The following PBX1 variants were observed in gnomAD, a reference collection of about 807,000 sequenced individuals.
PBX1 encodes the protein PBX homeobox 1, also known as pre-B-cell leukemia transcription factor 1.
Under a neutral mutation model 53.4 loss-of-function variants are expected in PBX1, and 6 were observed. The ratio of observed to expected loss-of-function variants is 0.11; its 90% CI spans 0.06 to 0.22. PBX1 has a LOEUF of 0.22. Among genes scored for constraint, PBX1 ranks in the 10% least tolerant of loss-of-function variants. The pLI, the probability that PBX1 is intolerant of heterozygous loss-of-function variation, is 1.00. For synonymous variants in PBX1, 204 were observed against 212.3 expected (o/e 0.96, Z 0.34); for missense variants, 251 against 551.4 (o/e 0.46, Z 5.46).
intron 6 of PBX1, chr1:164,814,774 A>T (rs1419927685): frequency 6.5e-6 from 1 of 153,906 alleles, no homozygotes; most frequent in Non-Finnish European, 1.4e-5. Context: ...AAAAAACCAA[A>T]TATATTTCTT....
chr1:164,875,020 G>C (rs957160789), intron 2 of PBX1, among the ~76,000 whole-genome samples: 1 of 152,150 alleles, frequency 6.6e-6, no homozygotes, highest in African/African-American at 2.4e-5. Flanking sequence ...TAGATTCATA[G>C]AATGGAAGAA....
intron 2 of PBX1, among the ~76,000 whole-genome samples, chr1:164,571,947 C>T (rs59128331): frequency 0.11 from 12,991 of 117,766 alleles, 1,213 homozygotes; most frequent in African/African-American, 0.26. Context: ...GATGGTGTGT[C>T]CCAGGCAGGA....
intron 2 of PBX1, among the ~76,000 whole-genome samples, chr1:164,788,064 G>A (rs963973587): frequency 1.3e-5 from 2 of 152,046 alleles, no homozygotes; most frequent in Non-Finnish European, 2.9e-5. Flanking sequence ...AAAGCTGCTG[G>A]GGTGGGGAGG....
intron 2 of PBX1, among the ~76,000 whole-genome samples, chr1:164,791,042 A>G (rs1337615464): frequency 6.6e-6 from 1 of 152,146 alleles, no homozygotes; most frequent in Non-Finnish European, 1.5e-5. Context: ...CAAAATGTCA[A>G]CCAACACCGG....
intron 2 of PBX1, among the ~76,000 whole-genome samples, chr1:164,716,716 A>ACACACACT (rs1455400952): frequency 1.3e-5 from 2 of 150,552 alleles, no homozygotes; most frequent in East Asian, 3.9e-4. Flanking sequence ...ACACACACAC[A>ACACACACT]CACACACACA....
intron 2 of PBX1, among the ~76,000 whole-genome samples, chr1:164,634,815 A>G (rs1405853948): frequency 2.0e-5 from 3 of 152,118 alleles, no homozygotes; most frequent in Non-Finnish European, 4.4e-5. Flanking sequence ...GCCTATCAGG[A>G]CCTGGAAAGA....
intron 2 of PBX1, among the ~76,000 whole-genome samples, chr1:164,602,209 G>T (rs1320203506): frequency 2.0e-5 from 3 of 152,160 alleles, no homozygotes; most frequent in Non-Finnish European, 2.9e-5. Context: ...GTTGTTTACA[G>T]TACGCACAGG....
In PBX1 at chr1:164,660,311, G is replaced by A. The variant is rs542210548; in HGVS notation, c.265+97000G>A. On this transcript the variant is annotated intron_variant, in intron 2 of 8. Transcript: ENST00000420696. ...GCCCTTTGGGGACCTTGCCTATGTG[G>A]GACATGCTGGGGCCTGGAGCTTTGG... 3.3e-5 allele frequency among the ~76,000 whole-genome samples: 5 copies of A among 152,270 alleles called. No individual in the cohort carries two copies. The South Asian group carries it at 1.0e-3, about 32-fold the overall frequency.
intron 2 of PBX1, among the ~76,000 whole-genome samples, chr1:164,601,145 A>G (rs1341906508): frequency 2.0e-5 from 3 of 150,966 alleles, no homozygotes; most frequent in Non-Finnish European, 4.4e-5. Context: ...AGGCTGAGAA[A>G]GAATTGCTTG....
chr1:164,787,304 C>T (rs372562329), intron 2 of PBX1, among the ~76,000 whole-genome samples: 3 of 152,186 alleles, frequency 2.0e-5, no homozygotes, highest in Non-Finnish European at 4.4e-5. Context: ...TCTCTCTCAG[C>T]TCAGCTTTGG....
rs61333625 is a variant in PBX1, at chr1:164,730,556, G to T, written c.266-61938G>T. ...AAGCCCCTCTCATTCCTCTGAAAAG[G>T]TTCCATACTCCAGTCCCTACCCTCA... On this transcript the variant is annotated intron_variant, in intron 2 of 8. Coordinates refer to ENST00000420696, the MANE Select transcript of PBX1 (RefSeq NM_002585.4). Among the ~76,000 whole-genome samples, 1,099 of 152,200 alleles carry T rather than the reference G, an allele frequency of 7.2e-3. 18 individuals are homozygous for T. The highest frequency in any genetic ancestry group is 0.025 in the African/African-American group (1,042 of 41,518).
intron 2 of PBX1, among the ~76,000 whole-genome samples, chr1:164,721,872 T>C (rs916599042): frequency 1.3e-5 from 2 of 152,194 alleles, no homozygotes; most frequent in African/African-American, 4.8e-5. Context: ...TATCTTTTTG[T>C]GACAGGCTAT....
intron 2 of PBX1, among the ~76,000 whole-genome samples, chr1:164,590,914 G>A (rs924856541): frequency 1.3e-5 from 2 of 152,058 alleles, no homozygotes; most frequent in African/African-American, 2.4e-5. Context: ...GTGCGATCTC[G>A]GCTCACTGCA....
chr1:164,773,253 A>G (rs1361171870), intron 2 of PBX1, among the ~76,000 whole-genome samples: 1 of 151,548 alleles, frequency 6.6e-6, no homozygotes, highest in Non-Finnish European at 1.5e-5. Context: ...GCACACACAC[A>G]CACACACACA....
At chr1:164,580,623 C>G (rs1187160261) in intron 2 of PBX1, among the ~76,000 whole-genome samples, 1 of 151,986 alleles carries the variant, frequency 6.6e-6, no homozygotes, top group Non-Finnish European at 1.5e-5. Flanking sequence ...GTTGCCCAGG[C>G]TAGAGTGCAA....
intron 2 of PBX1, among the ~76,000 whole-genome samples, chr1:164,722,879 C>T (rs748603678): frequency 7.2e-5 from 11 of 152,144 alleles, no homozygotes; most frequent in African/African-American, 1.9e-4. Context: ...ACCTTATAGC[C>T]GTGATCTTGT....
At chr1:164,709,721 A>G (rs1298969372) in intron 2 of PBX1, among the ~76,000 whole-genome samples, 1 of 152,224 alleles carries the variant, frequency 6.6e-6, no homozygotes, top group Non-Finnish European at 1.5e-5. Context: ...GAAAAAAAGA[A>G]TTAAAACAAA....
At chr1:164,632,801 C>T (rs563455432) in intron 2 of PBX1, among the ~76,000 whole-genome samples, 2 of 152,170 alleles carry the variant, frequency 1.3e-5, no homozygotes, top group East Asian at 1.9e-4. Flanking sequence ...GTGCTCTCCA[C>T]AAGTTTGATG....
intron 2 of PBX1, among the ~76,000 whole-genome samples, chr1:164,707,903 C>T (rs1197391578): frequency 6.6e-6 from 1 of 152,244 alleles, no homozygotes; most frequent in African/African-American, 2.4e-5. Context: ...AGAAGCCCTG[C>T]ATTAAGGCAA....
Sources: gnomAD v4.1 joint callset for allele counts (sites outside exome capture counted in the v4.1 genomes callset) on GRCh38, gnomAD v4.1.1 for gene constraint, MANE v1.5 for transcripts, NCBI Gene and HGNC (gene_info 2026-07-23, HGNC 2026-07-21) for gene names.